PREX2: variants seen among roughly 807,000 people sequenced by gnomAD.
PREX2 encodes phosphatidylinositol 3,4,5-trisphosphate-dependent Rac exchanger 2 protein.
PREX2 carries 107 observed loss-of-function variants against 203.2 expected under a neutral mutation model. That is an observed-to-expected ratio of 0.53 (90% confidence interval 0.45 to 0.62). The LOEUF (loss-of-function observed/expected upper bound fraction) is 0.62, where lower values mean the gene tolerates loss of function less well. PREX2 is among the 20% of genes least tolerant of loss of function. The pLI, the probability that PREX2 is intolerant of heterozygous loss-of-function variation, is 0.00. For missense variants in PREX2, 1,777 were observed against 1,955.9 expected (o/e 0.91, Z 1.72); for synonymous variants, 672 against 663.6 (o/e 1.01, Z -0.19).
At chr8:68,184,418 T>C (rs995504401) in intron 35 of PREX2, among the ~76,000 whole-genome samples, 2 of 152,196 alleles carry the variant, frequency 1.3e-5, no homozygotes, top group Admixed American at 6.5e-5. Context: ...CTGTAATTGA[T>C]TAAACACTGT....
intron 37 of PREX2, among the ~76,000 whole-genome samples, chr8:68,217,293 A>C (rs1342654111): frequency 6.6e-6 from 1 of 152,248 alleles, no homozygotes; most frequent in Non-Finnish European, 1.5e-5. Context: ...ATTTCTTCTA[A>C]ATTACATGAA....
intron 39 of PREX2, among the ~76,000 whole-genome samples, chr8:68,228,345 G>A (rs1229317289): frequency 2.6e-5 from 4 of 152,138 alleles, no homozygotes; most frequent in Non-Finnish European, 5.9e-5. Context: ...AAAATTGGCC[G>A]AGCATGGTGG....
chr8:68,007,527 C>A (rs569916054), intron 1 of PREX2, among the ~76,000 whole-genome samples: 5 of 150,414 alleles, frequency 3.3e-5, no homozygotes, highest in Admixed American at 3.3e-4. Context: ...ATGAAAACAG[C>A]ATTGAAGAAG....
At chr8:68,100,097 A>G (rs747094023) in intron 23 of PREX2, 5 of 597,144 alleles carry the variant, frequency 8.4e-6, no homozygotes, top group South Asian at 2.8e-5. Context: ...GAATTAAATT[A>G]TTTTCTAGTA....
intron 38 of PREX2, among the ~76,000 whole-genome samples, chr8:68,218,932 C>A (rs968084144): frequency 3.9e-5 from 6 of 152,056 alleles, no homozygotes; most frequent in African/African-American, 1.4e-4. Context: ...ATGTGATTTG[C>A]CAGCAGGTTT....
Position 68,128,949 on chromosome 8 carries a change from G to T in PREX2, c.3766+1530G>T, listed in dbSNP as rs550721504. On this transcript the variant is annotated intron_variant, in intron 31 of 39. Transcript: ENST00000288368. ...TTTTGCCCTAATGAAAAAAGGTTTT[G>T]CCTTGCTTTTTGACTGAGTAATAAT... Among the ~76,000 whole-genome samples, 4 of 152,198 alleles carry T rather than the reference G, an allele frequency of 2.6e-5. No homozygotes were observed. The South Asian group carries it at 8.3e-4, about 32-fold the overall frequency.
At chr8:68,079,502 T>C (rs1809448707) in intron 15 of PREX2, among the ~76,000 whole-genome samples, 1 of 152,226 alleles carries the variant, frequency 6.6e-6, no homozygotes, top group Non-Finnish European at 1.5e-5. Context: ...GTAACTTTCT[T>C]ATCTCATTTC....
In PREX2 at chr8:68,194,486, C is replaced by T. The variant is rs1291619788; in HGVS notation, c.4604+1961C>T. ...TTGTGATGGGGGATTTCATAAGATACTGGTATAAAATGAAGGAGTGGCCGG... is the reference window on the plus strand; with the variant it reads ...TTGTGATGGGGGATTTCATAAGATATTGGTATAAAATGAAGGAGTGGCCGG... On this transcript the variant is annotated intron_variant, in intron 37 of 39. Coordinates refer to ENST00000288368, the MANE Select transcript of PREX2 (RefSeq NM_024870.4). Among the ~76,000 whole-genome samples the T allele has an allele frequency of 2.0e-5, 3 of 151,964 alleles. No individual in the cohort carries two copies. The South Asian group carries it at 6.2e-4, about 32-fold the overall frequency.
At chr8:67,974,592 G>A (rs1041908203) in intron 1 of PREX2, among the ~76,000 whole-genome samples, 21 of 152,054 alleles carry the variant, frequency 1.4e-4, no homozygotes, top group African/African-American at 5.1e-4. Context: ...ATTGTTTTTG[G>A]TAGATTAAAA....
chr8:67,975,318 T>G (rs1464766967), intron 1 of PREX2, among the ~76,000 whole-genome samples: 4 of 144,852 alleles, frequency 2.8e-5, no homozygotes, highest in Admixed American at 7.1e-5. Context: ...TCTGTGTGTG[T>G]GTGTCCTATT....
rs774855036 is a variant in PREX2 at position 68,192,351 on chromosome 8, A to G, written c.4430A>G (p.Asn1477Ser). Residue 1477 changes from asparagine (N) to serine (S), a missense_variant, in exon 37 of 40, where the codon AAC becomes AGC. By Grantham distance (46) the Asn-to-Ser change is conservative (BLOSUM62 1). Coordinates refer to ENST00000288368, the MANE Select transcript of PREX2 (RefSeq NM_024870.4). ...AYVDKLMRPLNALDELYRLVA... is the reference protein window; with the variant it reads ...AYVDKLMRPLSALDELYRLVA... ...TTTCTGCAGCTAATGAGGCCTCTCA[A>G]CGCTTTGGATGAACTTTACCGACTG... 6.9e-6 allele frequency: 11 copies of G among 1,602,638 alleles called. No homozygotes were observed. The highest frequency in any genetic ancestry group is 3.3e-5 in the South Asian group (3 of 89,800).
intron 34 of PREX2, among the ~76,000 whole-genome samples, chr8:68,152,312 A>T (rs955550304): frequency 2.7e-5 from 4 of 150,712 alleles, no homozygotes; most frequent in African/African-American, 9.7e-5. Context: ...AAAAAAAAAG[A>T]TAAATCTTTT....
chr8:68,205,118 G>C (rs768739989), intron 37 of PREX2, among the ~76,000 whole-genome samples: 1 of 152,112 alleles, frequency 6.6e-6, no homozygotes, highest in Non-Finnish European at 1.5e-5. Context: ...CAATCATATT[G>C]AAAGTATCAA....
chr8:68,044,622 C>A (rs778799624), intron 8 of PREX2, 32 bp downstream of exon 8: 2 of 1,443,086 alleles, frequency 1.4e-6, no homozygotes, highest in South Asian at 1.2e-5. Context: ...AATGGGATGC[C>A]AATAGTAAAT....
At chr8:68,150,026 T>A (rs910374866) in intron 34 of PREX2, among the ~76,000 whole-genome samples, 8 of 151,968 alleles carry the variant, frequency 5.3e-5, no homozygotes, top group Non-Finnish European at 1.2e-4. Flanking sequence ...TAGGAGGAGG[T>A]GTGATCTTAG....
intron 18 of PREX2, among the ~76,000 whole-genome samples, chr8:68,087,224 A>G (rs1285767475): frequency 6.6e-6 from 1 of 152,182 alleles, no homozygotes; most frequent in Non-Finnish European, 1.5e-5. Flanking sequence ...CTACTTGAAG[A>G]TTCAAGGCTA....
At chr8:68,028,460 A>G (rs139870970) in intron 5 of PREX2, among the ~76,000 whole-genome samples, 168 of 152,220 alleles carry the variant, frequency 1.1e-3, no homozygotes, top group African/African-American at 3.7e-3. Context: ...TTTTTAAGAA[A>G]TAAATGTTGA....
intron 1 of PREX2, among the ~76,000 whole-genome samples, chr8:67,984,706 A>G (rs1806364608): frequency 6.6e-6 from 1 of 152,210 alleles, no homozygotes; most frequent in South Asian, 2.1e-4. Flanking sequence ...TTTAATAAAC[A>G]GGAGCTCAAA....
chr8:68,018,121 T>A (rs1807458380), intron 2 of PREX2, among the ~76,000 whole-genome samples: 1 of 152,042 alleles, frequency 6.6e-6, no homozygotes, highest in South Asian at 2.1e-4. Flanking sequence ...GGCAGAGAAG[T>A]CATAGAGTTG....
Sources: allele counts gnomAD v4.1 joint callset (sites outside exome capture counted in the v4.1 genomes callset), GRCh38; gene constraint gnomAD v4.1.1; transcripts MANE v1.5; gene names NCBI Gene and HGNC (gene_info 2026-07-23, HGNC 2026-07-21).